Variants in ADCY2 observed in about 807,000 individuals in gnomAD.
ADCY2 encodes the protein adenylate cyclase 2.
A neutral mutation model predicts 125.2 loss-of-function variants in ADCY2; 31 were observed. The observed-to-expected ratio is 0.25, with a 90% confidence interval of 0.19 to 0.33. The LOEUF is 0.33. Among genes scored for constraint, ADCY2 ranks in the 10% least tolerant of loss-of-function variants. The pLI is 1.00. For synonymous variants in ADCY2, 512 were observed against 548.4 expected (o/e 0.93, Z 0.93); for missense variants, 904 against 1,418.2 (o/e 0.64, Z 5.82).
chr5:7,654,169 A>G (rs934286836), intron 4 of ADCY2: 1 of 455,132 alleles, frequency 2.2e-6, no homozygotes, highest in Non-Finnish European at 4.4e-6. Context: ...TTGGGAAGAG[A>G]TGGCGCATCC....
intron 3 of ADCY2, among the ~76,000 whole-genome samples, chr5:7,593,281 C>T (rs1736906558): frequency 6.6e-6 from 1 of 152,198 alleles, no homozygotes; most frequent in Non-Finnish European, 1.5e-5. Flanking sequence ...AACCCACGCA[C>T]AAAAGTACCT....
intron 4 of ADCY2, among the ~76,000 whole-genome samples, chr5:7,658,431 G>GTGTGTGTGTGTGTGTA (rs59664339): frequency 2.4e-4 from 34 of 143,016 alleles, no homozygotes; most frequent in African/African-American, 6.7e-4. Flanking sequence ...GTGTGTGTGT[G>GTGTGTGTGTGTGTGTA]TATATATATA....
At chr5:7,567,929 T>TTCTCTCTCTC (rs10590625) in intron 3 of ADCY2, among the ~76,000 whole-genome samples, 127 of 146,566 alleles carry the variant, frequency 8.7e-4, no homozygotes, top group African/African-American at 2.9e-3. Context: ...CGTCCTCTCT[T>TTCTCTCTCTC]TCTCTCTCTC....
intron 1 of ADCY2, among the ~76,000 whole-genome samples, 199 bp from the exon 2 acceptor site, chr5:7,414,374 A>G (rs1739852978): frequency 6.6e-6 from 1 of 152,130 alleles, no homozygotes; most frequent in Admixed American, 6.6e-5. Flanking sequence ...CCAACATTGG[A>G]TTATCTATTT....
intron 18 of ADCY2, 52 bp from the exon 19 acceptor site, chr5:7,784,313 T>C (rs1579431923): frequency 7.9e-7 from 1 of 1,270,308 alleles, no homozygotes; most frequent in East Asian, 2.3e-5. Flanking sequence ...AAGTCCTGTA[T>C]GCGTGTTGTT....
At chr5:7,432,246 T>C (rs1371523159) in intron 2 of ADCY2, among the ~76,000 whole-genome samples, 1 of 152,082 alleles carries the variant, frequency 6.6e-6, no homozygotes, top group African/African-American at 2.4e-5. Flanking sequence ...ATCTCCTTCA[T>C]TGACCATCTC....
Position 7,709,067 on chromosome 5 carries a change from C to T in ADCY2, c.1402-144C>T, listed in dbSNP as rs1011253138. ...ACTCAAATAGTGTGTTCCCCAGTAACACTGAAGGAATAAGGACAGAAAACA... is the reference window on the plus strand; with the variant it reads ...ACTCAAATAGTGTGTTCCCCAGTAATACTGAAGGAATAAGGACAGAAAACA... On this transcript the variant is annotated intron_variant, in intron 9 of 24. Coordinates refer to ENST00000338316, the MANE Select transcript of ADCY2 (RefSeq NM_020546.3). This position sits in a 1 kb window ranked among gnomAD's most constrained non-coding sequence, Gnocchi z 4.4. 4.2e-6 allele frequency: 3 copies of T among 718,432 alleles called. No individual in the cohort carries two copies. The highest frequency in any genetic ancestry group is 4.0e-5 in the Admixed American group (1 of 25,020). The allele number at this position is 718,432 out of a possible 1,614,324, so 44.5% of individuals were successfully genotyped here.
At chr5:7,557,492 C>T (rs1209339839) in intron 3 of ADCY2, among the ~76,000 whole-genome samples, 1 of 152,032 alleles carries the variant, frequency 6.6e-6, no homozygotes, top group East Asian at 1.9e-4. Context: ...GCCTAGTACC[C>T]ATTAGTTATT....
chr5:7,685,632 G>A (rs746407281), intron 4 of ADCY2, among the ~76,000 whole-genome samples: 3 of 152,200 alleles, frequency 2.0e-5, no homozygotes, highest in African/African-American at 7.2e-5. Flanking sequence ...AGAAAAAGCT[G>A]AATTTTGTAA....
In ADCY2 at chr5:7,727,247, T is replaced by C; in HGVS notation, c.1857T>C (p.Ile619=). 1 of 1,613,948 alleles carries C rather than the reference T, an allele frequency of 6.2e-7. No homozygotes were observed. Among genetic ancestry groups the C allele is most frequent in the Non-Finnish European group, 8.5e-7 (1 of 1,179,864 alleles). Residue 619 remains isoleucine, a synonymous_variant, in exon 14 of 25, where the codon ATT becomes ATC. Coordinates refer to ENST00000338316, the MANE Select transcript of ADCY2 (RefSeq NM_020546.3). The part of the protein sequence containing the change: ...LIFFCIFIVQ[I]LVLPKTSVLG... The stretch of plus-strand genomic sequence containing the variant: ...TCTTCTGCATCTTCATTGTGCAGAT[T>C]CTCGTGCTGCCAAAGTAAGTACTTC...
chr5:7,435,867 C>T (rs1740780589), intron 2 of ADCY2, among the ~76,000 whole-genome samples: 1 of 152,170 alleles, frequency 6.6e-6, no homozygotes, highest in Non-Finnish European at 1.5e-5. Context: ...AGTTTTTTCC[C>T]ACCCAACAGT....
intron 2 of ADCY2, among the ~76,000 whole-genome samples, chr5:7,460,098 A>G (rs1327392822): frequency 4.6e-5 from 7 of 152,122 alleles, no homozygotes; most frequent in African/African-American, 1.2e-4. Context: ...TTAAGAGGTA[A>G]TTTTTGAAAT....
intron 15 of ADCY2, among the ~76,000 whole-genome samples, chr5:7,750,793 A>G (rs1348092009): frequency 1.3e-5 from 2 of 151,268 alleles, no homozygotes; most frequent in Non-Finnish European, 2.9e-5. Flanking sequence ...TCTTTGTATC[A>G]TGGGCAGTAG....
intron 20 of ADCY2, chr5:7,796,655 C>T (rs575895550): frequency 6.6e-6 from 1 of 152,408 alleles, no homozygotes; most frequent in South Asian, 2.1e-4. Flanking sequence ...ACTTGTGTTA[C>T]TTAAAACTTC....
chr5:7,774,159 G>C (rs554186091), intron 18 of ADCY2, among the ~76,000 whole-genome samples: 2 of 152,348 alleles, frequency 1.3e-5, no homozygotes, highest in African/African-American at 4.8e-5. Flanking sequence ...TTATCCCACT[G>C]TGTAGACATT....
At chr5:7,657,247 G>A (rs1739370692) in intron 4 of ADCY2, among the ~76,000 whole-genome samples, 2 of 152,226 alleles carry the variant, frequency 1.3e-5, no homozygotes, top group Admixed American at 6.5e-5. Flanking sequence ...AAGGAGTTTG[G>A]AAAGTGTTAG....
At chr5:7,824,317 C>T (rs932775955) in intron 24 of ADCY2, among the ~76,000 whole-genome samples, 7 of 152,146 alleles carry the variant, frequency 4.6e-5, no homozygotes, top group Non-Finnish European at 7.3e-5. Context: ...CGGTGTGCAT[C>T]GAGATGGACA....
rs192469306 is a variant in ADCY2 at position 7,564,237 on chromosome 5, G to A, written c.570+43338G>A. On this transcript the variant is annotated intron_variant, in intron 3 of 24. Coordinates refer to ENST00000338316, the MANE Select transcript of ADCY2 (RefSeq NM_020546.3). ...AGTGCTATTTCTTCCTATTCTGTGAGCCACCATAGCCATGAAGCATGAGGA... is the reference window on the plus strand; with the variant it reads ...AGTGCTATTTCTTCCTATTCTGTGAACCACCATAGCCATGAAGCATGAGGA... Among the ~76,000 whole-genome samples, 323 of 152,268 alleles carry A rather than the reference G, an allele frequency of 2.1e-3. 3 individuals are homozygous for A. Among genetic ancestry groups the A allele is most frequent in the African/African-American group, 7.5e-3 (310 of 41,542 alleles).
intron 11 of ADCY2, among the ~76,000 whole-genome samples, 166 bp downstream of exon 11, chr5:7,713,065 G>A (rs569523050): frequency 6.6e-6 from 1 of 152,140 alleles, no homozygotes; most frequent in East Asian, 1.9e-4. Context: ...AATCATTGGG[G>A]TCTTATTGTT....
Sources: allele counts gnomAD v4.1 joint callset (sites outside exome capture counted in the v4.1 genomes callset), GRCh38; gene constraint gnomAD v4.1.1; non-coding constraint Gnocchi (gnomAD v3.1); transcripts MANE v1.5; gene names NCBI Gene and HGNC (gene_info 2026-07-23, HGNC 2026-07-21).